The following SYTL5 variants were observed in gnomAD, a reference collection of about 807,000 sequenced individuals.
The protein encoded by SYTL5 is synaptotagmin like 5.
In SYTL5, 34 loss-of-function variants were observed where a neutral mutation model predicts 55.9. The observed-to-expected ratio is 0.61, with a 90% CI of 0.46 to 0.81. The LOEUF (loss-of-function observed/expected upper bound fraction) is 0.81. SYTL5 is among the 30% of genes least tolerant of loss of function. SYTL5 has a pLI of 0.00. For synonymous variants in SYTL5, 221 were observed against 188.7 expected (o/e 1.17, Z -1.40); for missense variants, 637 against 546.7 (o/e 1.17, Z -1.65).
chrX:38,046,964 C>G (rs1935480324), intron 2 of SYTL5, among the ~76,000 whole-genome samples: 1 of 112,280 alleles, frequency 8.9e-6, no homozygotes. Context: ...TGTCTCACAT[C>G]CAGGTCACGC....
Position 38,072,092 on chromosome X carries a change from A to G in SYTL5, c.375A>G (p.Ala125=), listed in dbSNP as rs756831594. ...ITGEWFFEEK[A]KRFKQVNVLG... is the part of the protein sequence containing the mutation. ...GTGAGTGGTTTTTTGAAGAAAAGGC[A>G]AAACGTTTCAAGCAAGTCAATGTTC... Residue 125 remains alanine (A), a synonymous_variant, in exon 4 of 17, where the codon GCA becomes GCG. Coordinates refer to ENST00000297875, the MANE Select transcript of SYTL5 (RefSeq NM_138780.3). The G allele has an allele frequency of 1.8e-5, 22 of 1,209,362 alleles. No individual in the cohort carries two copies. Among genetic ancestry groups the G allele is most frequent in the Admixed American group, 6.6e-5 (3 of 45,727 alleles).
Position 38,125,307 on chromosome X carries a change from C to T in SYTL5, c.1851C>T (p.Leu617=), listed in dbSNP as rs1045737643. 3 of 1,208,895 alleles carry T rather than the reference C, an allele frequency of 2.5e-6. No individual in the cohort carries two copies. The highest frequency in any genetic ancestry group is 3.4e-6 in the Non-Finnish European group (3 of 894,421). The stretch of plus-strand genomic sequence containing the variant: ...GTTTTTTCTCATGCAGCTACCTGCT[C>T]CCTGATGATAGCAAAGCCACCAAGC... ...TSDSFVKGYL[L]PDDSKATKHK... is the part of the protein sequence containing the mutation. The change falls in exon 16 of 17, where the codon CTC becomes CTT. Residue 617 remains leucine (L), a synonymous_variant. Coordinates refer to ENST00000297875, the MANE Select transcript of SYTL5 (RefSeq NM_138780.3).
chrX:37,904,270 G>A, the SYTL5 span, among the ~76,000 whole-genome samples: 17 of 105,291 alleles, frequency 1.6e-4, no homozygotes, highest in Admixed American at 7.2e-4. Flanking sequence ...TGGTCCGGGG[G>A]GGGGGGTGAT....
chrX:38,103,028 T>A, intron 10 of SYTL5: 1 of 1,151,807 alleles, frequency 8.7e-7, no homozygotes, highest in Non-Finnish European at 1.2e-6. Flanking sequence ...CTCTAAAGAG[T>A]TCTCAAGCAG....
At chrX:37,993,003 TAA>T in the SYTL5 span, among the ~76,000 whole-genome samples, 2 of 102,898 alleles carry the variant, frequency 1.9e-5, no homozygotes, top group Non-Finnish European at 4.0e-5. Context: ...GATCCAAATA[TAA>T]AAAAAAAAAC....
At chrX:37,910,848 A>G in the SYTL5 span, among the ~76,000 whole-genome samples, 1 of 111,773 alleles carries the variant, frequency 8.9e-6, no homozygotes, top group Non-Finnish European at 1.9e-5. Flanking sequence ...TGGTGTAGGG[A>G]TGATACATTG....
At chrX:37,895,532 T>A in the SYTL5 span, among the ~76,000 whole-genome samples, 1 of 103,580 alleles carries the variant, frequency 9.7e-6, no homozygotes, top group Non-Finnish European at 2.0e-5. Context: ...TTCTCTCTCC[T>A]CTCTCCTTCC....
At chrX:38,030,696 A>G (rs1372575562) in intron 1 of SYTL5, among the ~76,000 whole-genome samples, 1 of 112,100 alleles carries the variant, frequency 8.9e-6, no homozygotes, top group Non-Finnish European at 1.9e-5. Flanking sequence ...CTCATTCCCT[A>G]ATCCTGGAAT....
the SYTL5 span, among the ~76,000 whole-genome samples, chrX:37,910,180 C>G: frequency 5.4e-5 from 6 of 111,762 alleles, no homozygotes; most frequent in Non-Finnish European, 9.4e-5. Context: ...AATGTTTCTT[C>G]TCACAGTTCT....
At position 38,033,934 on chromosome X, in the gene SYTL5, T is replaced by C; in HGVS notation, c.45T>C (p.Asp15=). 8.3e-7 allele frequency: 1 copy of C among 1,200,273 alleles called. No homozygotes were observed. Among genetic ancestry groups the C allele is most frequent in the Admixed American group, 2.2e-5 (1 of 45,546 alleles). Residue 15 remains aspartate (D), a synonymous_variant, in exon 2 of 17, where the codon GAT becomes GAC. Transcript: ENST00000297875. ...SEFINLSFLL[D]HEKEMILGVL... is the part of the protein sequence containing the mutation. ...TCATCAATCTGTCATTTTTATTAGA[T>C]CATGAGAAGGAAATGATCCTGGGCG...
chrX:37,981,425 A>G, the SYTL5 span, among the ~76,000 whole-genome samples: 2 of 111,224 alleles, frequency 1.8e-5, no homozygotes, highest in Non-Finnish European at 3.8e-5. Context: ...CCTCCTGAGC[A>G]GCTGGGACTA....
At chrX:37,953,317 A>G in the SYTL5 span, among the ~76,000 whole-genome samples, 1 of 111,219 alleles carries the variant, frequency 9.0e-6, no homozygotes, top group African/African-American at 3.3e-5. Flanking sequence ...TGAAATGAAT[A>G]TAATAGAATG....
chrX:37,983,871 G>A, the SYTL5 span, among the ~76,000 whole-genome samples: 3 of 111,483 alleles, frequency 2.7e-5, no homozygotes, highest in African/African-American at 9.7e-5. Flanking sequence ...GAAAGTAAAC[G>A]ACACACTCCT....
chrX:38,031,715 G>A (rs1404007387), intron 1 of SYTL5, among the ~76,000 whole-genome samples: 1 of 111,532 alleles, frequency 9.0e-6, no homozygotes, highest in Non-Finnish European at 1.9e-5. Context: ...TACACAAGGG[G>A]TTGAAAAAAA....
the SYTL5 span, among the ~76,000 whole-genome samples, chrX:37,981,724 T>C: frequency 2.1e-3 from 231 of 111,630 alleles, 1 homozygote; most frequent in Non-Finnish European, 3.2e-3. Flanking sequence ...CAGTAATTAG[T>C]GGAATTTAAT....
At chrX:38,094,813 C>T (rs1428282522) in intron 8 of SYTL5, among the ~76,000 whole-genome samples, 5 of 111,689 alleles carry the variant, frequency 4.5e-5, no homozygotes, top group Non-Finnish European at 9.4e-5. Context: ...AAGTTCCCTA[C>T]ATATAGACAA....
chrX:38,116,504 G>A (rs1258748021), intron 13 of SYTL5, among the ~76,000 whole-genome samples: 1 of 112,276 alleles, frequency 8.9e-6, no homozygotes. Flanking sequence ...ATCATCATCA[G>A]AAGATTCTAA....
intron 13 of SYTL5, among the ~76,000 whole-genome samples, chrX:38,116,755 A>G (rs753556267): frequency 5.3e-5 from 6 of 112,400 alleles, no homozygotes; most frequent in Non-Finnish European, 1.1e-4. Context: ...TAAAATCACA[A>G]ATATGCCTGG....
chrX:37,910,967 C>CTTTTTTTTTTTT, the SYTL5 span, among the ~76,000 whole-genome samples: 14 of 82,755 alleles, frequency 1.7e-4, no homozygotes, highest in Non-Finnish European at 2.0e-4. Flanking sequence ...GATAGCATTA[C>CTTTTTTTTTTTT]TTTTTTTTTT....
Sources: allele counts gnomAD v4.1 joint callset (sites outside exome capture counted in the v4.1 genomes callset), GRCh38; gene constraint gnomAD v4.1.1; transcripts MANE v1.5; gene names NCBI Gene and HGNC (gene_info 2026-07-23, HGNC 2026-07-21).